Variants in RAP1A observed in about 807,000 individuals in gnomAD.
The protein encoded by RAP1A is ras-related protein Rap-1A.
Under a neutral mutation model 26.4 loss-of-function variants are expected in RAP1A, and 6 were observed. The observed-to-expected ratio is 0.23, with a 90% CI of 0.12 to 0.45. The LOEUF (loss-of-function observed/expected upper bound fraction) is 0.45. Among genes scored for constraint, RAP1A ranks in the 20% least tolerant of loss-of-function variants. The pLI is 0.99. For missense variants in RAP1A, 121 were observed against 217.2 expected (o/e 0.56, Z 2.78); for synonymous variants, 73 against 79.4 (o/e 0.92, Z 0.43).
chr1:111,601,908 T>C (rs1449455632), intron 1 of RAP1A, among the ~76,000 whole-genome samples: 1 of 152,210 alleles, frequency 6.6e-6, no homozygotes, highest in Admixed American at 6.5e-5. Context: ...AAGAGGAATA[T>C]GATTTCAAAG....
At chr1:111,559,084 T>C (rs577794317) in intron 1 of RAP1A, among the ~76,000 whole-genome samples, 230 of 152,266 alleles carry the variant, frequency 1.5e-3, no homozygotes, top group African/African-American at 5.1e-3. Context: ...TTAAAAAACA[T>C]GTATTTAAAC....
At chr1:111,554,563 A>G (rs927808160) in intron 1 of RAP1A, among the ~76,000 whole-genome samples, 1 of 152,244 alleles carries the variant, frequency 6.6e-6, no homozygotes, top group Admixed American at 6.5e-5. Context: ...TTAGAAACCC[A>G]AACATTTATC....
chr1:111,652,243 G>A (rs1241266170), intron 1 of RAP1A, among the ~76,000 whole-genome samples: 1 of 152,202 alleles, frequency 6.6e-6, no homozygotes, highest in African/African-American at 2.4e-5. Flanking sequence ...CAAAGTGCTG[G>A]GATTATAGGC....
intron 1 of RAP1A, among the ~76,000 whole-genome samples, chr1:111,609,066 C>T (rs181268013): frequency 4.6e-5 from 7 of 152,312 alleles, no homozygotes; most frequent in African/African-American, 1.7e-4. Flanking sequence ...GATACTTGCA[C>T]AGGCTGAGTT....
At chr1:111,615,370 G>C (rs1442369116), upstream of RAP1A, among the ~76,000 whole-genome samples, 2 of 151,700 alleles carry the variant, frequency 1.3e-5, no homozygotes, top group African/African-American at 4.8e-5. Flanking sequence ...CAAAAGTCTC[G>C]ACCTAGGTTA....
chr1:111,693,923 C>G lies in RAP1A; in HGVS notation c.58-1418C>G, dbSNP rs61791766. On this transcript the variant is annotated intron_variant, in intron 2 of 7. Transcript: ENST00000369709. The stretch of plus-strand genomic sequence containing the variant: ...TTTTTTTTTTTTTTAAATCTTGAAT[C>G]AGCATCTTGCCCTGGAGTGCAGTGG... Among the ~76,000 whole-genome samples the G allele has an allele frequency of 4.8e-3, 714 of 148,128 alleles. 3 individuals carry two copies. The highest frequency in any genetic ancestry group is 0.017 in the Middle Eastern group (5 of 288).
intron 1 of RAP1A, among the ~76,000 whole-genome samples, chr1:111,655,658 CTTTTTTTTTT>C (rs34266778): frequency 4.2e-4 from 36 of 85,158 alleles, no homozygotes; most frequent in East Asian, 1.5e-3. Context: ...TGTTCATAGT[CTTTTTTTTTT>C]TTTTTTTTTT....
chr1:111,615,036 G>T (rs1461958128), upstream of RAP1A, among the ~76,000 whole-genome samples: 1 of 152,080 alleles, frequency 6.6e-6, no homozygotes, highest in Non-Finnish European at 1.5e-5. Flanking sequence ...TTTGATAGAG[G>T]GAATGGAAGG....
intron 1 of RAP1A, among the ~76,000 whole-genome samples, chr1:111,658,022 C>G (rs1258746710): frequency 6.6e-6 from 1 of 152,074 alleles, no homozygotes; most frequent in Non-Finnish European, 1.5e-5. Flanking sequence ...TTGAGACTTA[C>G]TTTATAATTT....
At chr1:111,576,814 G>A (rs1481123547) in intron 1 of RAP1A, among the ~76,000 whole-genome samples, 3 of 152,218 alleles carry the variant, frequency 2.0e-5, no homozygotes, top group Non-Finnish European at 4.4e-5. Flanking sequence ...AGGCCTCCAC[G>A]TGGCCTGCAG....
chr1:111,565,455 C>T (rs1168492011), intron 1 of RAP1A, among the ~76,000 whole-genome samples: 1 of 152,192 alleles, frequency 6.6e-6, no homozygotes, highest in East Asian at 1.9e-4. Flanking sequence ...ACAGCTATAT[C>T]ACAGTGTAAC....
At chr1:111,568,307 G>T (rs79779079) in intron 1 of RAP1A, among the ~76,000 whole-genome samples, 96 of 152,292 alleles carry the variant, frequency 6.3e-4, no homozygotes, top group African/African-American at 2.3e-3. Context: ...GAGGCCTCAG[G>T]GAGCTTTTGT....
chr1:111,688,358 T>G (rs1164775979), intron 1 of RAP1A, among the ~76,000 whole-genome samples: 2 of 149,740 alleles, frequency 1.3e-5, no homozygotes, highest in African/African-American at 4.9e-5. Context: ...CTTGCTCTGT[T>G]GCCCAGGCTG....
intron 1 of RAP1A, among the ~76,000 whole-genome samples, chr1:111,620,440 CG>C (rs879530725): frequency 1.1e-4 from 15 of 142,326 alleles, no homozygotes; most frequent in Admixed American, 2.1e-4. Context: ...CCCGCGGGGG[CG>C]GGGGGGAGGG....
chr1:111,582,344 A>T (rs1557857413), intron 1 of RAP1A, among the ~76,000 whole-genome samples: 1 of 152,214 alleles, frequency 6.6e-6, no homozygotes, highest in African/African-American at 2.4e-5. Context: ...AGAAGTCAGC[A>T]GCTCTTAATT....
At chr1:111,677,300 A>G (rs1661159014) in intron 1 of RAP1A, among the ~76,000 whole-genome samples, 1 of 152,168 alleles carries the variant, frequency 6.6e-6, no homozygotes, top group African/African-American at 2.4e-5. Context: ...ATTTTTGGCT[A>G]TTACAAAGAC....
intron 1 of RAP1A, among the ~76,000 whole-genome samples, chr1:111,658,249 A>G (rs767745999): frequency 4.6e-5 from 7 of 152,158 alleles, no homozygotes; most frequent in Non-Finnish European, 8.8e-5. Context: ...TTGCCAATAT[A>G]TAGAAATACA....
intron 1 of RAP1A, among the ~76,000 whole-genome samples, chr1:111,676,246 C>T (rs1355954616): frequency 2.0e-5 from 3 of 152,088 alleles, no homozygotes; most frequent in Admixed American, 6.6e-5. Flanking sequence ...ATCCCAGCTA[C>T]TTGAGAGAGT....
At chr1:111,623,100 C>T (rs1659272936) in intron 1 of RAP1A, among the ~76,000 whole-genome samples, 2 of 152,000 alleles carry the variant, frequency 1.3e-5, no homozygotes, top group South Asian at 4.2e-4. Flanking sequence ...TCACTGCAAC[C>T]TCTGCCTCCT....
Sources: allele counts gnomAD v4.1 joint callset (sites outside exome capture counted in the v4.1 genomes callset), GRCh38; gene constraint gnomAD v4.1.1; transcripts MANE v1.5; gene names NCBI Gene and HGNC (gene_info 2026-07-23, HGNC 2026-07-21).